The following NTM variants were observed in gnomAD, a reference collection of about 807,000 sequenced individuals.
The protein encoded by NTM is IgLON family member 2.
NTM carries 13 observed loss-of-function variants against 42.1 expected under a neutral mutation model. That is an observed-to-expected ratio of 0.31 (90% CI 0.20 to 0.49). The LOEUF (loss-of-function observed/expected upper bound fraction) is 0.49. NTM is among the 20% of genes least tolerant of loss of function. The pLI is 0.99. For synonymous variants in NTM, 187 were observed against 179.2 expected, an observed-to-expected ratio of 1.04 and a Z score of -0.35; for missense variants, 373 against 452.8, an observed-to-expected ratio of 0.82 and a Z score of 1.60.
chr11:131,833,536 C>T (rs1437512322), intron 1 of NTM, among the ~76,000 whole-genome samples: 1 of 152,188 alleles, frequency 6.6e-6, no homozygotes, highest in African/African-American at 2.4e-5. Flanking sequence ...GGGAAGCCAC[C>T]TCAGGAGACT....
chr11:132,086,950 G>A (rs953214822), intron 2 of NTM, among the ~76,000 whole-genome samples: 2 of 152,100 alleles, frequency 1.3e-5, no homozygotes, highest in African/African-American at 4.8e-5. Flanking sequence ...GGGGACAGAG[G>A]AGTAAAAAAG....
At chr11:132,050,280 C>T (rs1043559997) in intron 2 of NTM, among the ~76,000 whole-genome samples, 6 of 152,182 alleles carry the variant, frequency 3.9e-5, no homozygotes, top group Non-Finnish European at 7.3e-5. Flanking sequence ...GAGAAATTCA[C>T]AGCCAGGGCC....
intron 4 of NTM, among the ~76,000 whole-genome samples, chr11:132,226,567 T>C (rs768207930): frequency 7.9e-5 from 12 of 152,218 alleles, no homozygotes; most frequent in Non-Finnish European, 1.3e-4. Flanking sequence ...GTTTTTTTCT[T>C]GTAAATTGGT....
chr11:132,320,835 G>C (rs367842014), intron 7 of NTM, among the ~76,000 whole-genome samples: 2,036 of 151,084 alleles, frequency 0.013, 40 homozygotes, highest in African/African-American at 0.047. Context: ...ATCTGAGAAC[G>C]GGCAGACTGC....
intron 3 of NTM, among the ~76,000 whole-genome samples, chr11:132,183,310 T>C (rs1231523109): frequency 6.6e-6 from 1 of 152,182 alleles, no homozygotes; most frequent in Non-Finnish European, 1.5e-5. Flanking sequence ...TGGCCACATT[T>C]GGCAGTGACC....
intron 1 of NTM, among the ~76,000 whole-genome samples, chr11:131,642,805 C>T (rs1057138801): frequency 6.6e-6 from 1 of 152,110 alleles, no homozygotes; most frequent in Non-Finnish European, 1.5e-5. Context: ...ACAAACATTG[C>T]TTTTTCTCAT....
rs191826459 is a variant in NTM at position 132,226,242 on chromosome 11, G to T, written c.526+14095G>T. On this transcript the variant is annotated intron_variant, in intron 4 of 8. Coordinates refer to ENST00000683400, the MANE Select transcript of NTM (RefSeq NM_001352005.2). ...GCATATACCCAGTAATGGGATTGCT[G>T]GGTCAAATGGTATTTCTGGTTCTAG... Among the ~76,000 whole-genome samples the T allele has an allele frequency of 5.5e-3, 830 of 152,262 alleles. 6 individuals are homozygous for T. Among genetic ancestry groups the T allele is most frequent in the African/African-American group, 0.017 (700 of 41,542 alleles).
At chr11:131,448,273 T>C (rs191233401) in intron 1 of NTM, among the ~76,000 whole-genome samples, 1 of 152,364 alleles carries the variant, frequency 6.6e-6, no homozygotes, top group Admixed American at 6.5e-5. Context: ...TCTTCTTCTC[T>C]GCATGGCATC....
Position 131,462,047 on chromosome 11 carries a change from T to TA in NTM, c.82+91168dup, listed in dbSNP as rs11303325. ...AAATGTCTCTCAACTAGTGAGTGGG[T>TA]AAAAAAAAACTGAAGAACACCACAC... is the stretch of plus-strand genomic sequence containing the variant. On this transcript the variant is annotated intron_variant, in intron 1 of 8. Transcript: ENST00000683400. Among the ~76,000 whole-genome samples the TA allele has an allele frequency of 3.9e-3, 592 of 151,494 alleles. 5 individuals carry two copies. Among genetic ancestry groups the TA allele is most frequent in the African/African-American group, 0.013 (542 of 41,264 alleles).
At chr11:131,794,964 C>G in intron 1 of NTM, 1 of 985,332 alleles carries the variant, frequency 1.0e-6, no homozygotes, top group Non-Finnish European at 1.2e-6. Context: ...GTCAGTGCCT[C>G]TCCTCACTGG....
chr11:131,872,885 G>T (rs971656688), intron 1 of NTM, among the ~76,000 whole-genome samples: 1 of 152,102 alleles, frequency 6.6e-6, no homozygotes, highest in South Asian at 2.1e-4. Context: ...GGGTCAAATG[G>T]TATTTCTGCT....
At chr11:131,794,821 A>G in intron 1 of NTM, 1 of 985,424 alleles carries the variant, frequency 1.0e-6, no homozygotes, top group Non-Finnish European at 1.2e-6. Flanking sequence ...ATTATGCTAC[A>G]TTAAAGAAAA....
chr11:131,555,089 G>C (rs940472363), intron 1 of NTM, among the ~76,000 whole-genome samples: 2 of 152,102 alleles, frequency 1.3e-5, no homozygotes, highest in Non-Finnish European at 2.9e-5. Context: ...TTGAGCTCAG[G>C]AATTTGAAGC....
At chr11:131,505,675 C>G (rs1042323721) in intron 1 of NTM, among the ~76,000 whole-genome samples, 1 of 152,134 alleles carries the variant, frequency 6.6e-6, no homozygotes. Flanking sequence ...AATCAGTGTT[C>G]ACACTCACGC....
chr11:131,708,936 T>C (rs1446406068), intron 1 of NTM, among the ~76,000 whole-genome samples: 1 of 151,660 alleles, frequency 6.6e-6, no homozygotes, highest in Admixed American at 6.6e-5. Context: ...GGAGGTGGGG[T>C]TGCAATTTTA....
At chr11:131,725,389 G>A (rs2078838631) in intron 1 of NTM, among the ~76,000 whole-genome samples, 1 of 152,146 alleles carries the variant, frequency 6.6e-6, no homozygotes, top group South Asian at 2.1e-4. Context: ...TAAATTCTAT[G>A]GAGAGAAGTC....
At position 131,783,378 on chromosome 11, in the gene NTM, G is replaced by A. The variant is rs1591805899; in HGVS notation, c.83-128186G>A. 1.1e-4 allele frequency among the ~76,000 whole-genome samples: 16 copies of A among 152,258 alleles called. No individual in the cohort carries two copies. The South Asian group carries it at 3.3e-3, about 32-fold the overall frequency. ...CATATCCATGGGTTGGAAGATGATAGTTTTAAGGTGTCAGTGCTTCCCAAA... is the reference window on the plus strand; with the variant it reads ...CATATCCATGGGTTGGAAGATGATAATTTTAAGGTGTCAGTGCTTCCCAAA... On this transcript the variant is annotated intron_variant, in intron 1 of 8. Transcript: ENST00000683400.
At chr11:131,911,702 G>A in intron 2 of NTM, 54 bp downstream of exon 2, 1 of 1,609,218 alleles carries the variant, frequency 6.2e-7, no homozygotes, top group Non-Finnish European at 8.5e-7. Flanking sequence ...GTCGGGGTAA[G>A]GGGCAGGGGT....
At chr11:131,382,810 C>T (rs1045191034) in intron 1 of NTM, among the ~76,000 whole-genome samples, 3 of 152,224 alleles carry the variant, frequency 2.0e-5, no homozygotes, top group African/African-American at 7.2e-5. Context: ...AGAGCAGACT[C>T]TGCCAGCTGT....
Sources: gnomAD v4.1 joint callset for allele counts (sites outside exome capture counted in the v4.1 genomes callset) on GRCh38, gnomAD v4.1.1 for gene constraint, MANE v1.5 for transcripts, NCBI Gene and HGNC (gene_info 2026-07-23, HGNC 2026-07-21) for gene names.